SRGAP3: variants seen among roughly 807,000 people sequenced by gnomAD.
The protein encoded by SRGAP3 is SLIT-ROBO Rho GTPase activating protein 3.
A neutral mutation model predicts 121.1 loss-of-function variants in SRGAP3; 39 were observed. The observed-to-expected ratio is 0.32, with a 90% CI of 0.25 to 0.42. The LOEUF is 0.42. SRGAP3 is among the 10% of genes least tolerant of loss of function. SRGAP3 has a pLI of 1.00. For synonymous variants in SRGAP3, 601 were observed against 570.0 expected (o/e 1.05, Z -0.77); for missense variants, 1,213 against 1,470.6 (o/e 0.82, Z 2.86).
chr3:9,059,802 C>T (rs774417642), intron 6 of SRGAP3: 11 of 285,978 alleles, frequency 3.8e-5, no homozygotes, highest in Non-Finnish European at 6.9e-5. Flanking sequence ...CTTTCTTTCG[C>T]ATGTACACGT....
At chr3:9,136,466 C>T (rs1186308533) in intron 1 of SRGAP3, among the ~76,000 whole-genome samples, 1 of 149,332 alleles carries the variant, frequency 6.7e-6, no homozygotes, top group Non-Finnish European at 1.5e-5. Context: ...TGAAAGCGGG[C>T]TCCTAAGCCA....
At chr3:9,313,306 C>A (rs1366975835) in intron 3 of SRGAP3, among the ~76,000 whole-genome samples, 1 of 152,240 alleles carries the variant, frequency 6.6e-6, no homozygotes, top group African/African-American at 2.4e-5. Context: ...GAAGTCTTCA[C>A]TTCCAAGTCC....
chr3:9,289,465 T>C (rs549892938), intron 3 of SRGAP3, among the ~76,000 whole-genome samples: 4 of 152,344 alleles, frequency 2.6e-5, no homozygotes, highest in African/African-American at 9.6e-5. Flanking sequence ...GGGATATGCA[T>C]TTGTTTCTGC....
chr3:9,014,150 GC>G, intron 15 of SRGAP3: 1 of 443,360 alleles, frequency 2.3e-6, no homozygotes, highest in Non-Finnish European at 4.2e-6. Flanking sequence ...CACAGTGGGG[GC>G]CCCTGAGAGG....
intron 14 of SRGAP3, among the ~76,000 whole-genome samples, chr3:9,023,804 G>T (rs1412924529): frequency 6.6e-6 from 1 of 152,152 alleles, no homozygotes; most frequent in African/African-American, 2.4e-5. Flanking sequence ...AAGCACCCGA[G>T]ATCCTTGAGG....
intron 15 of SRGAP3, among the ~76,000 whole-genome samples, chr3:9,015,219 T>C (rs1044201286): frequency 6.6e-6 from 1 of 152,034 alleles, no homozygotes; most frequent in Non-Finnish European, 1.5e-5. Flanking sequence ...CCTTCCAACC[T>C]CTTGCACCAT....
At chr3:9,347,227 G>A (rs909402357) in intron 1 of SRGAP3, among the ~76,000 whole-genome samples, 1 of 152,132 alleles carries the variant, frequency 6.6e-6, no homozygotes, top group Non-Finnish European at 1.5e-5. Context: ...GTGCAGTGGC[G>A]TGATCATGGC....
Position 9,360,014 on chromosome 3 carries a change from C to G in SRGAP3, n.214+2826G>C, listed in dbSNP as rs568952101. On this transcript the variant is annotated intron_variant and non_coding_transcript_variant, in intron 1 of 3. Transcript: ENST00000490889. ...GTGCAATCATAGTTCACTACAGACT[C>G]GAACTCCTGGGCCCAAGCAATCCTC... is the stretch of plus-strand genomic sequence containing the variant. 2.0e-5 allele frequency among the ~76,000 whole-genome samples: 3 copies of G among 152,288 alleles called. No individual in the cohort carries two copies. The South Asian group carries it at 6.2e-4, about 32-fold the overall frequency.
intron 3 of SRGAP3, among the ~76,000 whole-genome samples, chr3:9,320,382 T>G (rs1955419524): frequency 6.6e-6 from 1 of 151,734 alleles, no homozygotes; most frequent in Admixed American, 6.5e-5. Context: ...ATCATGGAGG[T>G]GGATTTCTCA....
intron 1 of SRGAP3, among the ~76,000 whole-genome samples, chr3:9,333,727 T>C (rs1319195389): frequency 6.6e-6 from 1 of 152,200 alleles, no homozygotes; most frequent in Non-Finnish European, 1.5e-5. Context: ...TGATCTGCGA[T>C]AAAAGAATGA....
chr3:9,266,270 T>C (rs967086055), intron 3 of SRGAP3, among the ~76,000 whole-genome samples: 5 of 152,122 alleles, frequency 3.3e-5, no homozygotes, highest in Admixed American at 6.5e-5. Flanking sequence ...ATACCTAATG[T>C]AGATGACAGG....
intron 3 of SRGAP3, among the ~76,000 whole-genome samples, chr3:9,281,667 TTTTG>T (rs542135736): frequency 1.2e-4 from 19 of 152,180 alleles, no homozygotes; most frequent in East Asian, 3.9e-4. Flanking sequence ...TAGTAGATAC[TTTTG>T]TTTGTTTGTT....
intron 3 of SRGAP3, among the ~76,000 whole-genome samples, chr3:9,291,836 A>G (rs1954875337): frequency 6.6e-6 from 1 of 152,212 alleles, no homozygotes; most frequent in South Asian, 2.1e-4. Flanking sequence ...CACTTGCCAA[A>G]AAAAAGAAGG....
intron 21 of SRGAP3, among the ~76,000 whole-genome samples, chr3:8,986,570 C>T (rs148760918): frequency 1.3e-5 from 2 of 152,234 alleles, no homozygotes; most frequent in African/African-American, 4.8e-5. Context: ...GGTCACACAG[C>T]TAATTAGCAG....
chr3:9,052,712 T>C (rs1031222368), intron 9 of SRGAP3, among the ~76,000 whole-genome samples: 1 of 152,252 alleles, frequency 6.6e-6, no homozygotes, highest in East Asian at 1.9e-4. Flanking sequence ...AGGTTGTTCC[T>C]TGGGACTTGT....
At chr3:9,096,670 G>A (rs974290362) in intron 3 of SRGAP3, among the ~76,000 whole-genome samples, 5 of 151,708 alleles carry the variant, frequency 3.3e-5, no homozygotes, top group Admixed American at 6.6e-5. Flanking sequence ...AATAAGGCAA[G>A]AAAAAGAAAT....
intron 1 of SRGAP3, among the ~76,000 whole-genome samples, chr3:9,176,266 A>AC (rs1170959213): frequency 6.6e-6 from 1 of 152,190 alleles, no homozygotes; most frequent in East Asian, 1.9e-4. Context: ...CTCTTCTGTA[A>AC]CACAGGGTGA....
At chr3:9,070,048 G>T (rs975927452) in intron 4 of SRGAP3, among the ~76,000 whole-genome samples, 1 of 152,222 alleles carries the variant, frequency 6.6e-6, no homozygotes, top group African/African-American at 2.4e-5. Context: ...TCTGTTTACC[G>T]CTAAGCATTG....
chr3:9,052,049 C>T (rs771668683), intron 9 of SRGAP3, among the ~76,000 whole-genome samples: 30 of 152,250 alleles, frequency 2.0e-4, no homozygotes, highest in Middle Eastern at 3.4e-3. Context: ...TACCACTGCT[C>T]GGAGTCTCAC....
Sources: allele counts gnomAD v4.1 joint callset (sites outside exome capture counted in the v4.1 genomes callset), GRCh38; gene constraint gnomAD v4.1.1; transcripts MANE v1.5; gene names NCBI Gene and HGNC (gene_info 2026-07-23, HGNC 2026-07-21).